The following ARHGEF11 variants were observed in gnomAD, a reference collection of about 807,000 sequenced individuals.
The protein encoded by ARHGEF11 is Rho guanine exchange factor (GEF) 11.
ARHGEF11 carries 55 observed loss-of-function variants against 193.7 expected under a neutral mutation model. That is an observed-to-expected ratio of 0.28 (90% confidence interval 0.23 to 0.36). The LOEUF (loss-of-function observed/expected upper bound fraction) is 0.36, where lower values mean the gene tolerates loss of function less well. ARHGEF11 is among the 10% of genes least tolerant of loss of function. ARHGEF11 has a pLI of 1.00. For missense variants in ARHGEF11, 1,723 were observed against 2,005.6 expected (o/e 0.86, Z 2.69); for synonymous variants, 693 against 768.0 (o/e 0.90, Z 1.62).
rs756843282 is a variant in ARHGEF11, at chr1:156,945,044, C to G, written c.2966G>C (p.Ser989Thr). ...CTTGAACTCTGCTGCCAGGGGGTTG[C>G]TGGCCCTCTCCAGGGCGGTGGCATC... ...RLDATALERA[S>T]NPLAAEFKSL... Residue 989 changes from serine to threonine, a missense_variant, in exon 30 of 41, where the codon AGC (serine) becomes ACC (threonine). Coordinates refer to ENST00000368194, the MANE Select transcript of ARHGEF11 (RefSeq NM_198236.3). The G allele has an allele frequency of 6.2e-7, 1 of 1,614,026 alleles. No individual in the cohort carries two copies. The highest frequency in any genetic ancestry group is 1.1e-5 in the South Asian group (1 of 91,080).
At chr1:156,944,484 G>T in intron 30 of ARHGEF11, 51 bp from the exon 31 acceptor site, 1 of 1,511,642 alleles carries the variant, frequency 6.6e-7, no homozygotes, top group Non-Finnish European at 9.2e-7. Context: ...ATTCATTCAA[G>T]TGTTTGAGAG....
intron 13 of ARHGEF11, among the ~76,000 whole-genome samples, chr1:156,962,353 G>A (rs575937462): frequency 6.6e-6 from 1 of 152,080 alleles, no homozygotes; most frequent in Admixed American, 6.5e-5. Context: ...GAATACAACC[G>A]CAACTCCTCT....
intron 1 of ARHGEF11, among the ~76,000 whole-genome samples, chr1:157,039,595 G>C (rs1176721182): frequency 6.6e-6 from 1 of 152,170 alleles, no homozygotes; most frequent in East Asian, 1.9e-4. Flanking sequence ...CCACTAGCAG[G>C]TGTATGCTTG....
chr1:156,991,710 A>ATTTTTTTTTTTTTTTTTTTT (rs57140356), intron 1 of ARHGEF11, among the ~76,000 whole-genome samples: 1 of 83,956 alleles, frequency 1.2e-5, no homozygotes, highest in African/African-American at 4.4e-5. Flanking sequence ...TTTCAAGCTT[A>ATTTTTTTTTTTTTTTTTTTT]TTTTTTTTTT....
rs140246592 is a variant in ARHGEF11 at position 157,031,183 on chromosome 1, A to G, written c.32+13116T>C. Among the ~76,000 whole-genome samples the G allele has an allele frequency of 2.6e-5, 4 of 152,288 alleles. No homozygotes were observed. The East Asian group carries it at 5.8e-4, about 22-fold the overall frequency. On this transcript the variant is annotated intron_variant, in intron 1 of 40. Transcript: ENST00000368194. Reference sequence around the variant, plus strand: ...TGCCCGGAATGCTGCCTAACATTTAATATGTATTCAGTAAATGTGCTGAAT... The same window carrying G: ...TGCCCGGAATGCTGCCTAACATTTAGTATGTATTCAGTAAATGTGCTGAAT...
intron 1 of ARHGEF11, among the ~76,000 whole-genome samples, chr1:157,032,684 C>G (rs1671448088): frequency 6.6e-6 from 1 of 152,056 alleles, no homozygotes; most frequent in African/African-American, 2.4e-5. Context: ...TAGACTATGT[C>G]CATCACCATT....
chr1:157,039,684 A>G (rs1672493440), intron 1 of ARHGEF11, among the ~76,000 whole-genome samples: 2 of 152,238 alleles, frequency 1.3e-5, no homozygotes, highest in South Asian at 4.1e-4. Flanking sequence ...GCCACGTGAT[A>G]TATCTTTGAG....
At position 156,954,075 on chromosome 1, in the gene ARHGEF11, T is replaced by C. The variant is rs146883960; in HGVS notation, c.1798+817A>G. ...AAACTGACATTTTAATTATTTTAAC[T>C]GAAAACAAAAATCTGAGGCACTGAC... On this transcript the variant is annotated intron_variant, in intron 21 of 40. Transcript: ENST00000368194. Among the ~76,000 whole-genome samples the C allele has an allele frequency of 1.4e-3, 219 of 152,154 alleles. 1 individual carries two copies. Among genetic ancestry groups the C allele is most frequent in the African/African-American group, 4.8e-3 (201 of 41,534 alleles).
chr1:156,949,260 G>A (rs1311811902), intron 22 of ARHGEF11, among the ~76,000 whole-genome samples: 2 of 152,196 alleles, frequency 1.3e-5, no homozygotes, highest in African/African-American at 4.8e-5. Flanking sequence ...ATGAGATGCT[G>A]ATGACTGGGT....
rs1345641071 is a variant in ARHGEF11 at position 156,948,653 on chromosome 1, G to A, written c.1926-155C>T. On this transcript the variant is annotated intron_variant, in intron 22 of 40. Transcript: ENST00000368194. The surrounding 1 kb of genome is among the most constrained non-coding windows in gnomAD (Gnocchi z 4.2). The stretch of plus-strand genomic sequence containing the variant: ...CCAAAGCAGCTGGATGGCAGTGGAA[G>A]CTTCTCAATGACAGACTATTTTTGC... 3 of 1,552,278 alleles carry A rather than the reference G, an allele frequency of 1.9e-6. No individual in the cohort carries two copies. The African/African-American group carries it at 4.1e-5, about 21-fold the overall frequency.
chr1:156,959,936 C>T (rs1330034335), intron 15 of ARHGEF11, among the ~76,000 whole-genome samples: 3 of 106,770 alleles, frequency 2.8e-5, no homozygotes, highest in South Asian at 3.5e-4. Context: ...CCCCCCTCCC[C>T]CCCCCCCAAA....
chr1:156,990,108 G>A (rs548597261), intron 1 of ARHGEF11, among the ~76,000 whole-genome samples: 3 of 152,256 alleles, frequency 2.0e-5, no homozygotes, highest in Admixed American at 6.5e-5. Flanking sequence ...CAAAGATCTC[G>A]AATTATACTT....
Position 157,044,777 on chromosome 1 carries a change from G to A in ARHGEF11, c.-447C>T. On this transcript the variant is annotated 5_prime_UTR_variant, in exon 1 of 41. Transcript: ENST00000368194. ...TTCTCAGCTGTCCTTCTGTTGGCAAGAGACCCTCTAGCTCAAAGGGGGAAA... is the reference window on the plus strand; with the variant it reads ...TTCTCAGCTGTCCTTCTGTTGGCAAAAGACCCTCTAGCTCAAAGGGGGAAA... 2.7e-6 allele frequency: 1 copy of A among 370,856 alleles called. No homozygotes were observed. Among genetic ancestry groups the A allele is most frequent in the Middle Eastern group, 6.9e-4 (1 of 1,448 alleles). The allele number at this position is 370,856 out of a possible 1,614,324, so 23.0% of individuals were successfully genotyped here.
intron 1 of ARHGEF11, among the ~76,000 whole-genome samples, chr1:156,998,777 G>A (rs905636925): frequency 2.0e-5 from 3 of 152,120 alleles, no homozygotes; most frequent in Non-Finnish European, 4.4e-5. Context: ...ATCTACTGCC[G>A]AATATTATGT....
At chr1:156,977,615 T>C (rs992589988) in intron 6 of ARHGEF11, among the ~76,000 whole-genome samples, 1 of 152,200 alleles carries the variant, frequency 6.6e-6, no homozygotes, top group Non-Finnish European at 1.5e-5. Flanking sequence ...GGTTTTGCCA[T>C]GTTGCCCAGG....
chr1:156,959,199 T>A, intron 15 of ARHGEF11, 57 bp from the exon 16 acceptor site: 1 of 1,465,876 alleles, frequency 6.8e-7, no homozygotes, highest in Non-Finnish European at 9.5e-7. Context: ...TGGAGGGGGA[T>A]CCCTTCTGCT....
intron 1 of ARHGEF11, among the ~76,000 whole-genome samples, chr1:157,043,501 G>A (rs1003054904): frequency 6.6e-6 from 1 of 152,204 alleles, no homozygotes; most frequent in African/African-American, 2.4e-5. Context: ...CTTGGGGCAA[G>A]GGGTGTCATG....
chr1:157,005,770 A>G (rs1224939665), intron 1 of ARHGEF11, among the ~76,000 whole-genome samples: 2 of 152,342 alleles, frequency 1.3e-5, no homozygotes, highest in East Asian at 3.9e-4. Context: ...TCACACATTC[A>G]GTATGACCAA....
chr1:156,970,529 T>G (rs1662353936), intron 8 of ARHGEF11, among the ~76,000 whole-genome samples: 1 of 152,204 alleles, frequency 6.6e-6, no homozygotes, highest in Admixed American at 6.5e-5. Context: ...CATTTAATCT[T>G]TCAATGGCTC....
Sources: allele counts gnomAD v4.1 joint callset (sites outside exome capture counted in the v4.1 genomes callset), GRCh38; gene constraint gnomAD v4.1.1; non-coding constraint Gnocchi (gnomAD v3.1); transcripts MANE v1.5; gene names NCBI Gene and HGNC (gene_info 2026-07-23, HGNC 2026-07-21).